The following MST1R variants were observed in gnomAD, a reference collection of about 807,000 sequenced individuals.
The protein encoded by MST1R is macrophage-stimulating protein receptor.
MST1R carries 99 observed loss-of-function variants against 117.8 expected under a neutral mutation model. That is an observed-to-expected ratio of 0.84 (90% CI 0.71 to 0.99). The LOEUF is 0.99. Ranked by LOEUF, MST1R falls within the 50% of genes least tolerant of loss-of-function variation. The pLI, the probability that MST1R is intolerant of heterozygous loss-of-function variation, is 0.00. For missense variants in MST1R, 1,683 were observed against 1,840.2 expected, an observed-to-expected ratio of 0.91 and a Z score of 1.56; for synonymous variants, 734 against 765.3, an observed-to-expected ratio of 0.96 and a Z score of 0.68.
rs201288866 is a variant in MST1R, at chr3:49,903,297, C to T, written c.313G>A (p.Ala105Thr). The T allele has an allele frequency of 2.7e-5, 43 of 1,612,218 alleles. No homozygotes were observed. In the African/African-American group the frequency reaches 4.5e-4, roughly 17 times the overall value. Residue 105 changes from alanine to threonine, a missense_variant, in exon 1 of 20, where the codon GCA (alanine) becomes ACA (threonine). Coordinates refer to ENST00000296474, the MANE Select transcript of MST1R (RefSeq NM_002447.4). ...PAGDPGCQTC[A>T]ACGPGPHGPP... ...CCGTGGGGTCCTGGGCCACAGGCTG[C>T]ACACGTCTGGCAGCCAGGGTCTCCA...
At chr3:49,893,336 G>A (rs1263931660) in intron 14 of MST1R, among the ~76,000 whole-genome samples, 2 of 151,400 alleles carry the variant, frequency 1.3e-5, no homozygotes, top group South Asian at 2.1e-4. Context: ...GGATACAGTG[G>A]CTCACGCCTG....
In MST1R at chr3:49,903,769, C is replaced by T; in HGVS notation, c.-160G>A. The T allele has an allele frequency of 1.0e-6, 1 of 1,002,114 alleles. No homozygotes were observed. The highest frequency in any genetic ancestry group is 1.4e-6 in the Non-Finnish European group (1 of 708,490). The allele number at this position is 1,002,114 out of a possible 1,614,324, so 62.1% of individuals were successfully genotyped here. ...ACCCCCGCCCCAGGTTCCTGTGAAA[C>T]CCAAATCCCTTCCCGGCCCTCGGGT... On this transcript the variant is annotated 5_prime_UTR_variant, in exon 1 of 20. Coordinates refer to ENST00000296474, the MANE Select transcript of MST1R (RefSeq NM_002447.4).
rs747010106 is a variant in MST1R at position 49,895,749 on chromosome 3, C to A, written c.2928G>T (p.Leu976=). Residue 976 remains leucine (L), a synonymous_variant, in exon 12 of 20, where the codon CTG becomes CTT. Transcript: ENST00000296474. ...TCCTCCGCCACCAGTAGCTGAAGAC[C>A]AGTGCAGTCGCCAGTGCAGCCACAA... The part of the protein sequence containing the change: ...LLLVAALATA[L]VFSYWWRRKQ... 1 of 1,613,236 alleles carries A rather than the reference C, an allele frequency of 6.2e-7. No homozygotes were observed. The highest frequency in any genetic ancestry group is 8.5e-7 in the Non-Finnish European group (1 of 1,179,996).
At position 49,895,806 on chromosome 3, in the gene MST1R, C is replaced by T. The variant is rs1272579371; in HGVS notation, c.2871G>A (p.Thr957=). Residue 957 remains threonine (T), a synonymous_variant, in exon 12 of 20, where the codon ACG becomes ACA. Coordinates refer to ENST00000296474, the MANE Select transcript of MST1R (RefSeq NM_002447.4). The part of the protein sequence containing the change: ...RPGPDGVPQS[T]LLGILLPLLL... Reference sequence around the variant, plus strand: ...GCAAAGGCAGCAGGATACCAAGGAGCGTGCTCTGTGGGACCCCATCTGGCC... The same window carrying T: ...GCAAAGGCAGCAGGATACCAAGGAGTGTGCTCTGTGGGACCCCATCTGGCC... 5.6e-6 allele frequency: 9 copies of T among 1,613,840 alleles called. No individual in the cohort carries two copies. In the East Asian group the frequency reaches 6.7e-5, roughly 12 times the overall value.
chr3:49,899,380 G>C, intron 1 of MST1R, 117 bp from the exon 2 acceptor site: 2 of 1,131,046 alleles, frequency 1.8e-6, no homozygotes, highest in East Asian at 5.0e-5. Flanking sequence ...GGCCTGACTG[G>C]AGAAGGCCCT....
chr3:49,893,268 G>A lies in MST1R; in HGVS notation c.3272-1430C>T, dbSNP rs531760981. Among the ~76,000 whole-genome samples the A allele has an allele frequency of 1.6e-4, 24 of 148,188 alleles. No homozygotes were observed. The Admixed American group carries it at 1.7e-3, about 10-fold the overall frequency. ...CACTCCAGCCTGGGTGACAGAGTGAGGTTCTGTCTCAAAAATAAATAAATA... is the reference window on the plus strand; with the variant it reads ...CACTCCAGCCTGGGTGACAGAGTGAAGTTCTGTCTCAAAAATAAATAAATA... On this transcript the variant is annotated intron_variant, in intron 14 of 19. Transcript: ENST00000296474.
intron 2 of MST1R, 37 bp downstream of exon 2, chr3:49,899,038 G>C (rs200826948): frequency 6.2e-7 from 1 of 1,614,142 alleles, no homozygotes. Flanking sequence ...TGGAGACAAG[G>C]ACCCAGGGCT....
chr3:49,895,716 T>C lies in MST1R; in HGVS notation c.2961A>G (p.Leu987=). 1 of 1,612,282 alleles carries C rather than the reference T, an allele frequency of 6.2e-7. No individual in the cohort carries two copies. Among genetic ancestry groups the C allele is most frequent in the Non-Finnish European group, 8.5e-7 (1 of 1,179,992 alleles). The change falls in exon 12 of 20, where the codon CTA becomes CTG. Residue 987 remains leucine, a splice_region_variant and synonymous_variant. Transcript: ENST00000296474. ...VFSYWWRRKQ[L]VLPPNLNDLA... ...TAAAGGTAGGAGCAGAGAACTCACC[T>C]AGCTGCTTCCTCCGCCACCAGTAGC...
Position 49,897,649 on chromosome 3 carries a change from C to T in MST1R, c.1917G>A (p.Glu639=). 1 of 1,613,966 alleles carries T rather than the reference C, an allele frequency of 6.2e-7. No individual in the cohort carries two copies. The highest frequency in any genetic ancestry group is 8.5e-7 in the Non-Finnish European group (1 of 1,179,918). Reference sequence around the variant, plus strand: ...GGGTGCCCAAGGGCTCCAGTTCACACTCAAACTCCTCTACAAAGTCTTTCC... The same window carrying T: ...GGGTGCCCAAGGGCTCCAGTTCACATTCAAACTCCTCTACAAAGTCTTTCC... ...VPRKDFVEEF[E]CELEPLGTQA... The change falls in exon 6 of 20, where the codon GAG becomes GAA. Residue 639 remains glutamate, a synonymous_variant. Transcript: ENST00000296474.
intron 1 of MST1R, 53 bp downstream of exon 1, chr3:49,902,327 T>C (rs768618458): frequency 5.7e-5 from 90 of 1,568,018 alleles, no homozygotes; most frequent in Non-Finnish European, 7.6e-5. Context: ...AAGCAGCCTG[T>C]GTTCAGCCAT....
intron 14 of MST1R, among the ~76,000 whole-genome samples, chr3:49,892,820 G>A (rs2082353512): frequency 6.6e-6 from 1 of 151,224 alleles, no homozygotes; most frequent in East Asian, 2.0e-4. Flanking sequence ...CAGGTGTGGT[G>A]GCAGTGGCAG....
At chr3:49,896,982 C>T (rs935433715) in intron 7 of MST1R, 92 bp from the exon 8 acceptor site, 4 of 1,388,174 alleles carry the variant, frequency 2.9e-6, no homozygotes, top group Non-Finnish European at 3.8e-6. Flanking sequence ...CCCAGTTCGT[C>T]TGTTATCTCT....
At position 49,890,681 on chromosome 3, in the gene MST1R, A is replaced by G. The variant is rs755930469; in HGVS notation, c.3645-31T>C. On this transcript the variant is annotated intron_variant, in intron 17 of 19. Coordinates refer to ENST00000296474, the MANE Select transcript of MST1R (RefSeq NM_002447.4). ...GGGTAGGGAGAGGATCACACTTAGG[A>G]CTGGCCCTTACCAGGCCCTGAACCC... The G allele has an allele frequency of 6.9e-6, 11 of 1,583,634 alleles. No homozygotes were observed. In the South Asian group the frequency reaches 1.3e-4, roughly 18 times the overall value.
Position 49,895,200 on chromosome 3 carries a change from C to G in MST1R, c.3238G>C (p.Val1080Leu). The G allele has an allele frequency of 6.2e-7, 1 of 1,614,186 alleles. No individual in the cohort carries two copies. Among genetic ancestry groups the G allele is most frequent in the Non-Finnish European group, 8.5e-7 (1 of 1,180,040 alleles). The change falls in exon 14 of 20, where the codon GTG (valine) becomes CTG (leucine). Residue 1080 changes from valine to leucine, a missense_variant. Val to Leu is a conservative substitution (Grantham distance 32). Coordinates refer to ENST00000296474, the MANE Select transcript of MST1R (RefSeq NM_002447.4). ...ATGACTCGGTCACTGTGGGTGACCA[C>G]CCGCTCATGGGGAATCAGCACATCC... Reference protein sequence around the residue: ...VKDVLIPHERVVTHSDRVIGK... With the variant: ...VKDVLIPHERLVTHSDRVIGK...
Position 49,899,237 on chromosome 3 carries a change from G to A in MST1R, c.1257C>T (p.Asn419=), listed in dbSNP as rs1214564944. The part of the protein sequence containing the change: ...NPPGLEALSP[N]TSCRHFPLLV... The stretch of plus-strand genomic sequence containing the variant: ...GCAGAGGGAAGTGGCGGCAGCTGGT[G>A]TTGGGGCTGAGGGCTTCCAGGCCAG... Residue 419 remains asparagine, a synonymous_variant, in exon 2 of 20, where the codon AAC becomes AAT. Coordinates refer to ENST00000296474, the MANE Select transcript of MST1R (RefSeq NM_002447.4). 1.9e-6 allele frequency: 3 copies of A among 1,614,162 alleles called. No individual in the cohort carries two copies. The highest frequency in any genetic ancestry group is 2.5e-6 in the Non-Finnish European group (3 of 1,179,994).
At position 49,895,801 on chromosome 3, in the gene MST1R, A is replaced by T; in HGVS notation, c.2876T>A (p.Leu959His). ...CAGCAGCAAAGGCAGCAGGATACCA[A>T]GGAGCGTGCTCTGTGGGACCCCATC... ...GPDGVPQSTL[L>H]GILLPLLLLV... The change falls in exon 12 of 20, where the codon CTT becomes CAT. Residue 959 changes from leucine to histidine, a missense_variant. Physicochemically the swap from Leu to His is moderately conservative, Grantham distance 99. Coordinates refer to ENST00000296474, the MANE Select transcript of MST1R (RefSeq NM_002447.4). 6.2e-7 allele frequency: 1 copy of T among 1,614,008 alleles called. No homozygotes were observed. The highest frequency in any genetic ancestry group is 8.5e-7 in the Non-Finnish European group (1 of 1,180,004).
intron 1 of MST1R, among the ~76,000 whole-genome samples, chr3:49,900,250 T>C (rs770308373): frequency 6.6e-6 from 1 of 152,104 alleles, no homozygotes; most frequent in Non-Finnish European, 1.5e-5. Context: ...TTCTGGAAGC[T>C]AGGGGGTACT....
Position 49,887,254 on chromosome 3 carries a change from G to T in MST1R, c.*53C>A. 1.3e-6 allele frequency: 2 copies of T among 1,599,092 alleles called. No individual in the cohort carries two copies. The highest frequency in any genetic ancestry group is 1.7e-6 in the Non-Finnish European group (2 of 1,171,912). ...GCCCTCTGGCCTGGCATGGCCCAGA[G>T]GCAGCTTGGGGTTAGCTCAAGGCAG... On this transcript the variant is annotated 3_prime_UTR_variant, in exon 20 of 20. Coordinates refer to ENST00000296474, the MANE Select transcript of MST1R (RefSeq NM_002447.4).
chr3:49,900,390 G>A (rs1559481841), intron 1 of MST1R, among the ~76,000 whole-genome samples: 1 of 152,134 alleles, frequency 6.6e-6, no homozygotes, highest in Non-Finnish European at 1.5e-5. Context: ...TGAGTGCGAG[G>A]TGCAGACGGG....
Sources: allele counts gnomAD v4.1 joint callset (sites outside exome capture counted in the v4.1 genomes callset), GRCh38; gene constraint gnomAD v4.1.1; transcripts MANE v1.5; gene names NCBI Gene and HGNC (gene_info 2026-07-23, HGNC 2026-07-21).